The following ATP8B4 variants were observed in gnomAD, a reference collection of about 807,000 sequenced individuals.
ATP8B4 encodes probable phospholipid-transporting ATPase IM.
A neutral mutation model predicts 145.6 loss-of-function variants in ATP8B4; 133 were observed. The ratio of observed to expected loss-of-function variants is 0.91; its 90% confidence interval spans 0.79 to 1.05. The LOEUF (loss-of-function observed/expected upper bound fraction) is 1.05. Ranked by LOEUF, ATP8B4 falls within the 50% of genes least tolerant of loss-of-function variation. The probability of loss-of-function intolerance (pLI) is 0.00; values close to 1 mark genes in which losing one functional copy is unlikely to be tolerated. For missense variants in ATP8B4, 1,458 were observed against 1,425.2 expected (o/e 1.02, Z -0.37); for synonymous variants, 507 against 492.9 (o/e 1.03, Z -0.38).
intron 3 of ATP8B4, among the ~76,000 whole-genome samples, chr15:50,072,291 G>A (rs957677867): frequency 1.1e-4 from 17 of 151,984 alleles, no homozygotes; most frequent in African/African-American, 3.9e-4. Context: ...AAATGTGCTG[G>A]TAAACTCAAT....
intron 12 of ATP8B4, among the ~76,000 whole-genome samples, chr15:49,977,285 C>T (rs2045750265): frequency 1.3e-5 from 2 of 151,992 alleles, no homozygotes; most frequent in East Asian, 1.9e-4. Flanking sequence ...TCTTTAGGAC[C>T]GAGAAACCTG....
At chr15:50,033,983 T>C (rs2050639576) in intron 6 of ATP8B4, among the ~76,000 whole-genome samples, 3 of 152,200 alleles carry the variant, frequency 2.0e-5, no homozygotes, top group Non-Finnish European at 4.4e-5. Flanking sequence ...TTTAGGAAGA[T>C]TCCATGTCTT....
intron 7 of ATP8B4, among the ~76,000 whole-genome samples, chr15:50,010,217 C>A (rs1189049405): frequency 6.6e-6 from 1 of 151,984 alleles, no homozygotes; most frequent in Non-Finnish European, 1.5e-5. Context: ...CTTTTGTTAC[C>A]TTAAATTTAA....
intron 20 of ATP8B4, among the ~76,000 whole-genome samples, chr15:49,905,491 T>C (rs1412632713): frequency 6.6e-6 from 1 of 152,146 alleles, no homozygotes; most frequent in East Asian, 1.9e-4. Context: ...TTGGATGCCA[T>C]TTTACCCTCA....
At position 50,060,212 on chromosome 15, in the gene ATP8B4, A is replaced by G. The variant is rs567070754; in HGVS notation, c.88-12748T>C. ...AGGCAGACATGCCGTACTGAAGGGAACTACTTATGTGACAAGACAGATCAC... is the reference window on the plus strand; with the variant it reads ...AGGCAGACATGCCGTACTGAAGGGAGCTACTTATGTGACAAGACAGATCAC... On this transcript the variant is annotated intron_variant, in intron 3 of 27. Coordinates refer to ENST00000284509, the MANE Select transcript of ATP8B4 (RefSeq NM_024837.4). Among the ~76,000 whole-genome samples the G allele has an allele frequency of 3.3e-5, 5 of 152,306 alleles. No homozygotes were observed. In the South Asian group the frequency reaches 1.0e-3, roughly 32 times the overall value.
intron 10 of ATP8B4, chr15:49,982,525 T>G (rs1350862176): frequency 1.3e-5 from 2 of 152,056 alleles, no homozygotes; most frequent in African/African-American, 2.4e-5. Flanking sequence ...TGGTTAGTAC[T>G]TAGATGGGAG....
chr15:50,166,007 A>ACC (rs1555498712), intron 1 of ATP8B4, among the ~76,000 whole-genome samples: 8 of 144,838 alleles, frequency 5.5e-5, no homozygotes, highest in African/African-American at 2.1e-4. Context: ...ACACACACAC[A>ACC]CCTCATCTAA....
upstream of ATP8B4, among the ~76,000 whole-genome samples, chr15:50,119,967 C>A (rs1038178731): frequency 6.6e-6 from 1 of 151,738 alleles, no homozygotes; most frequent in Admixed American, 6.6e-5. Flanking sequence ...TTTGGAATTG[C>A]TTTTAAGGGG....
At chr15:50,106,692 C>G (rs1242685333) in intron 2 of ATP8B4, among the ~76,000 whole-genome samples, 1 of 152,092 alleles carries the variant, frequency 6.6e-6, no homozygotes, top group Non-Finnish European at 1.5e-5. Flanking sequence ...AAAAGATGGT[C>G]ACAGTGAGTG....
At chr15:49,889,956 G>A (rs983020349) in intron 23 of ATP8B4, among the ~76,000 whole-genome samples, 1 of 152,200 alleles carries the variant, frequency 6.6e-6, no homozygotes, top group Admixed American at 6.5e-5. Flanking sequence ...TGATTTGACA[G>A]GGTTGGCCCC....
intron 14 of ATP8B4, among the ~76,000 whole-genome samples, chr15:49,935,692 C>A (rs140191389): frequency 2.0e-5 from 3 of 152,014 alleles, no homozygotes; most frequent in African/African-American, 7.2e-5. Flanking sequence ...GTACATCAAA[C>A]GGTTATCCCA....
chr15:50,181,273 T>C (rs74493591), intron 1 of ATP8B4, among the ~76,000 whole-genome samples: 1 of 152,182 alleles, frequency 6.6e-6, no homozygotes. Context: ...ATCCTGACCC[T>C]CCTCAGTGGC....
chr15:49,931,398 C>A (rs2041242579), intron 15 of ATP8B4, 91 bp from the exon 16 acceptor site: 2 of 1,215,896 alleles, frequency 1.6e-6, no homozygotes, highest in East Asian at 2.5e-5. Flanking sequence ...ATTTAACACC[C>A]AACTCAAGCA....
intron 18 of ATP8B4, among the ~76,000 whole-genome samples, chr15:49,919,563 G>A (rs574792884): frequency 1.3e-5 from 2 of 152,126 alleles, no homozygotes; most frequent in African/African-American, 2.4e-5. Context: ...GACTACAGGC[G>A]CCCGCCACCG....
chr15:49,999,552 TA>T (rs944139884), intron 8 of ATP8B4, among the ~76,000 whole-genome samples: 4 of 151,880 alleles, frequency 2.6e-5, no homozygotes, highest in Non-Finnish European at 4.4e-5. Context: ...AAATGAAATT[TA>T]AAAAAAAGTA....
chr15:49,991,483 C>T (rs984708650), intron 9 of ATP8B4, among the ~76,000 whole-genome samples: 13 of 152,152 alleles, frequency 8.5e-5, no homozygotes, highest in Admixed American at 8.5e-4. Context: ...TAATAATTGA[C>T]AAGTATTTCA....
chr15:49,972,487 C>T (rs1036551895), intron 13 of ATP8B4, 95 bp downstream of exon 13: 12 of 1,199,942 alleles, frequency 1.0e-5, no homozygotes, highest in Admixed American at 2.6e-5. Flanking sequence ...AGAAAGCCAG[C>T]GACTGTTTTG....
intron 1 of ATP8B4, among the ~76,000 whole-genome samples, chr15:50,137,760 T>C (rs1369264383): frequency 6.6e-6 from 1 of 152,152 alleles, no homozygotes; most frequent in African/African-American, 2.4e-5. Flanking sequence ...ACATATACAG[T>C]GTTAGAGCTG....
intron 14 of ATP8B4, among the ~76,000 whole-genome samples, chr15:49,946,485 C>T (rs2042575265): frequency 2.0e-5 from 3 of 152,234 alleles, no homozygotes; most frequent in Admixed American, 1.3e-4. Flanking sequence ...CTTCTCTTGC[C>T]TAGCAGACTG....
Sources: allele counts gnomAD v4.1 joint callset (sites outside exome capture counted in the v4.1 genomes callset), GRCh38; gene constraint gnomAD v4.1.1; transcripts MANE v1.5; gene names NCBI Gene and HGNC (gene_info 2026-07-23, HGNC 2026-07-21).